Variants in GDF5 observed in about 807,000 individuals in gnomAD.
GDF5 encodes the protein growth/differentiation factor 5.
Under a neutral mutation model 34.6 loss-of-function variants are expected in GDF5, and 17 were observed. The ratio of observed to expected loss-of-function variants is 0.49; its 90% CI spans 0.34 to 0.74. GDF5 has a LOEUF of 0.74. GDF5 is among the 30% of genes least tolerant of loss of function. GDF5 has a pLI of 0.01. For missense variants in GDF5, 616 were observed against 661.2 expected (o/e 0.93, Z 0.75); for synonymous variants, 332 against 290.7 (o/e 1.14, Z -1.44).
intron 1 of GDF5, among the ~76,000 whole-genome samples, chr20:35,452,212 T>A (rs1423617311): frequency 6.6e-6 from 1 of 150,950 alleles, no homozygotes; most frequent in South Asian, 2.1e-4. Context: ...TTGGCTCAGA[T>A]AATATCCAGT....
In GDF5 at chr20:35,437,967, G is replaced by A. The variant is rs149907722; in HGVS notation, c.-39C>T. 187 of 1,610,634 alleles carry A rather than the reference G, an allele frequency of 1.2e-4. 2 individuals carry two copies. In the East Asian group the frequency reaches 3.2e-3, roughly 27 times the overall value. ...GCTGAATGACACCAAAGAGAACAGC[G>A]GCAGCAGCGAAGGTGCCTCTGGTTT... On this transcript the variant is annotated 5_prime_UTR_variant, in exon 1 of 2. Transcript: ENST00000374369.
chr20:35,434,574 G>A lies in GDF5; in HGVS notation c.841C>T (p.Arg281Cys), dbSNP rs748145194. The A allele has an allele frequency of 2.3e-5, 37 of 1,586,894 alleles. No homozygotes were observed. The highest frequency in any genetic ancestry group is 3.2e-5 in the Non-Finnish European group (37 of 1,165,114). The part of the protein sequence containing the change: ...GRQPAALLDV[R>C]SVPGLDGSGW... ...GATCCGTCCAGGCCTGGCACGGAGCGCACATCCAGCAAGGCGGCCGGCTGC... is the reference window on the plus strand; with the variant it reads ...GATCCGTCCAGGCCTGGCACGGAGCACACATCCAGCAAGGCGGCCGGCTGC... Residue 281 changes from arginine to cysteine, a missense_variant, in exon 2 of 2, where the codon CGC (arginine) becomes TGC (cysteine). Coordinates refer to ENST00000374369, the MANE Select transcript of GDF5 (RefSeq NM_000557.5).
At chr20:35,449,694 T>A (rs969282671) in intron 1 of GDF5, among the ~76,000 whole-genome samples, 17 of 152,172 alleles carry the variant, frequency 1.1e-4, no homozygotes, top group Admixed American at 6.5e-4. Context: ...AAATAATGAA[T>A]GAATGGAACT....
upstream of GDF5, among the ~76,000 whole-genome samples, chr20:35,441,939 C>T (rs1437077073): frequency 6.6e-6 from 1 of 152,000 alleles, no homozygotes; most frequent in Non-Finnish European, 1.5e-5. Flanking sequence ...TCATGGGGCT[C>T]AGGTGATCCT....
Position 35,437,485 on chromosome 20 carries a change from C to T in GDF5, c.444G>A (p.Lys148=). 1 of 1,614,182 alleles carries T rather than the reference C, an allele frequency of 6.2e-7. No individual in the cohort carries two copies. The stretch of plus-strand genomic sequence containing the variant: ...CTCGTGGGGGCCCGGGCTCCCTGGC[C>T]TTCTTCAGCAGGAAGGAGCTGGGGA... ...GSVPSSFLLK[K]AREPGPPREP... Residue 148 remains lysine, a synonymous_variant, in exon 1 of 2, where the codon AAG becomes AAA. Transcript: ENST00000374369.
At chr20:35,453,773 T>C (rs1199741930) in intron 1 of GDF5, among the ~76,000 whole-genome samples, 1 of 152,246 alleles carries the variant, frequency 6.6e-6, no homozygotes, top group African/African-American at 2.4e-5. Context: ...AGGTTACCTT[T>C]GGCTGTGGAT....
chr20:35,454,173 G>A, intron 1 of GDF5: 1 of 377,718 alleles, frequency 2.6e-6, no homozygotes, highest in South Asian at 2.0e-5. Flanking sequence ...TATACACAAG[G>A]CCGGGCGCGG....
chr20:35,437,538 C>T lies in GDF5; in HGVS notation c.391G>A (p.Gly131Ser), dbSNP rs2062478356. The T allele has an allele frequency of 1.2e-5, 19 of 1,614,018 alleles. No homozygotes were observed. Among genetic ancestry groups the T allele is most frequent in the Non-Finnish European group, 1.4e-5 (16 of 1,180,008 alleles). The change falls in exon 1 of 2, where the codon GGC (glycine) becomes AGC (serine). Residue 131 changes from glycine to serine, a missense_variant. Gly to Ser is a moderately conservative substitution (Grantham distance 56). Coordinates refer to ENST00000374369, the MANE Select transcript of GDF5 (RefSeq NM_000557.5). ...TVTPKGQLPG[G>S]KAPPKAGSVP... ...GATCCTGCTTTTGGGGGTGCCTTGC[C>T]TCCGGGAAGCTGTCCTTTTGGGGTC...
rs759806396 is a variant in GDF5, at chr20:35,434,321, T to A, written c.1094A>T (p.Asp365Val). 2.7e-5 allele frequency: 43 copies of A among 1,613,942 alleles called. No individual in the cohort carries two copies. Among genetic ancestry groups the A allele is most frequent in the Non-Finnish European group, 3.6e-5 (42 of 1,180,028 alleles). The change falls in exon 2 of 2, where the codon GAC becomes GTC. Residue 365 changes from aspartate to valine, a missense_variant. By Grantham distance (152) the Asp-to-Val change is radical. Transcript: ENST00000374369. ...CAGGTACTCATACACGGTCTTATCG[T>A]CCTGGCCAGAGCGGGCCTTAATCTC... is the stretch of plus-strand genomic sequence containing the variant. ...FNEIKARSGQDDKTVYEYLFS... is the reference protein window; with the variant it reads ...FNEIKARSGQVDKTVYEYLFS...
upstream of GDF5, among the ~76,000 whole-genome samples, chr20:35,442,933 T>C (rs1305265701): frequency 2.0e-5 from 3 of 152,316 alleles, no homozygotes; most frequent in African/African-American, 7.2e-5. Context: ...ACACATTTTA[T>C]ACCCAAAAAG....
upstream of GDF5, among the ~76,000 whole-genome samples, chr20:35,441,616 G>C (rs868631130): frequency 6.7e-6 from 1 of 149,754 alleles, no homozygotes; most frequent in Admixed American, 6.6e-5. Context: ...CACCACGCCC[G>C]GCTAATTTTT....
rs397514668 is a variant in GDF5, at chr20:35,434,276, C to T, written c.1139G>A (p.Arg380Gln). ...CTGGCGAGTGGCCAGTGGGGCCCGC[C>T]GTTTTCGCCGCTGGCTGAACAGGTA... ...YEYLFSQRRK[R>Q]RAPLATRQGK... The change falls in exon 2 of 2, where the codon CGG (arginine) becomes CAG (glutamine). Residue 380 changes from arginine (R) to glutamine (Q), a missense_variant. Coordinates refer to ENST00000374369, the MANE Select transcript of GDF5 (RefSeq NM_000557.5). 1.9e-6 allele frequency: 3 copies of T among 1,614,182 alleles called. No homozygotes were observed. Among genetic ancestry groups the T allele is most frequent in the Non-Finnish European group, 2.5e-6 (3 of 1,180,044 alleles).
intron 1 of GDF5, chr20:35,454,189 C>T (rs2062554342): frequency 2.7e-6 from 1 of 369,340 alleles, no homozygotes. Context: ...CGCGGTGGCT[C>T]ACGCCTGTAA....
At chr20:35,442,015 A>G (rs1447734504), upstream of GDF5, among the ~76,000 whole-genome samples, 2 of 151,866 alleles carry the variant, frequency 1.3e-5, no homozygotes, top group Non-Finnish European at 2.9e-5. Flanking sequence ...TAATTTTTGT[A>G]TTCTTTGTAG....
chr20:35,439,908 CTTTTTTTTTTTT>C (rs34397706), upstream of GDF5, among the ~76,000 whole-genome samples: 7 of 71,634 alleles, frequency 9.8e-5, no homozygotes, highest in South Asian at 6.6e-4. Flanking sequence ...AGGCTTCCTT[CTTTTTTTTTTTT>C]TTTTTTTTTT....
upstream of GDF5, chr20:35,441,393 A>C (rs1029385156): frequency 6.6e-6 from 1 of 152,180 alleles, no homozygotes; most frequent in South Asian, 2.1e-4. Flanking sequence ...CTCTACTAAA[A>C]AAATAAATAA....
chr20:35,438,358 T>TCACA (rs3055779), upstream of GDF5: 6,675 of 160,046 alleles, frequency 0.042, 301 homozygotes, highest in African/African-American at 0.12. Context: ...TGAAAATACT[T>TCACA]CACACACACA....
chr20:35,452,767 G>A (rs2062538344), intron 1 of GDF5, among the ~76,000 whole-genome samples: 2 of 149,100 alleles, frequency 1.3e-5, no homozygotes, highest in Non-Finnish European at 1.5e-5. Context: ...GCTAATGGAT[G>A]TTATGTCATT....
chr20:35,441,737 G>A (rs1601078107), upstream of GDF5, among the ~76,000 whole-genome samples: 1 of 151,992 alleles, frequency 6.6e-6, no homozygotes, highest in Admixed American at 6.6e-5. Context: ...ACAGGTGTAA[G>A]CCACCATACC....
Sources: allele counts gnomAD v4.1 joint callset (sites outside exome capture counted in the v4.1 genomes callset), GRCh38; gene constraint gnomAD v4.1.1; transcripts MANE v1.5; gene names NCBI Gene and HGNC (gene_info 2026-07-23, HGNC 2026-07-21).